The following WASHC4 variants were observed in gnomAD, a reference collection of about 807,000 sequenced individuals.
The protein encoded by WASHC4 is WASH complex subunit 4, also known as WASH complex subunit 7.
A neutral mutation model predicts 166.6 loss-of-function variants in WASHC4; 86 were observed. That is an observed-to-expected ratio of 0.52 (90% CI 0.43 to 0.62). The LOEUF (loss-of-function observed/expected upper bound fraction) is 0.62. Ranked by LOEUF, WASHC4 falls within the 20% of genes least tolerant of loss-of-function variation. The pLI is 0.00. For synonymous variants in WASHC4, 446 were observed against 451.6 expected, an observed-to-expected ratio of 0.99 and a Z score of 0.16; for missense variants, 1,262 against 1,382.4, an observed-to-expected ratio of 0.91 and a Z score of 1.38.
At chr12:105,120,619 C>T (rs755554867) in intron 8 of WASHC4, 22 bp downstream of exon 8, 1 of 1,518,904 alleles carries the variant, frequency 6.6e-7, no homozygotes, top group South Asian at 1.1e-5. Flanking sequence ...TTAGCTTGAC[C>T]TGTAAAACTG....
At chr12:105,159,152 C>T (rs949240471) in intron 28 of WASHC4, among the ~76,000 whole-genome samples, 1 of 152,126 alleles carries the variant, frequency 6.6e-6, no homozygotes, top group African/African-American at 2.4e-5. Flanking sequence ...AGGATCAGAC[C>T]TTTACCTTAT....
chr12:105,111,088 T>TG, intron 1 of WASHC4, 37 bp from the exon 2 acceptor site: 1 of 1,506,772 alleles, frequency 6.6e-7, no homozygotes, highest in Non-Finnish European at 9.2e-7. Flanking sequence ...ATTCATTACT[T>TG]GCACTTATCA....
intron 15 of WASHC4, 52 bp downstream of exon 15, chr12:105,138,063 C>G: frequency 6.4e-7 from 1 of 1,568,280 alleles, no homozygotes; most frequent in Non-Finnish European, 8.7e-7. Flanking sequence ...ATGACCCAGG[C>G]TTAAATTAGG....
intron 7 of WASHC4, among the ~76,000 whole-genome samples, chr12:105,118,927 A>C (rs1880457557): frequency 6.6e-6 from 1 of 152,220 alleles, no homozygotes; most frequent in African/African-American, 2.4e-5. Context: ...TCTACATTGA[A>C]GAAATTTTGT....
At position 105,168,403 on chromosome 12, in the gene WASHC4, A is replaced by G. The variant is rs1255391239; in HGVS notation, c.*1472A>G. ...ATAACTGTAGAAATGGCCCTAAAGC[A>G]TGCTGCATAATTAATAATTTATATT... On this transcript the variant is annotated 3_prime_UTR_variant, in exon 33 of 33. Coordinates refer to ENST00000332180, the MANE Select transcript of WASHC4 (RefSeq NM_015275.3). 1 of 152,358 alleles carries G rather than the reference A, an allele frequency of 6.6e-6. No individual in the cohort carries two copies. Among genetic ancestry groups the G allele is most frequent in the Non-Finnish European group, 1.5e-5 (1 of 67,910 alleles). The allele number at this position is 152,358 out of a possible 1,614,324, so 9.4% of individuals were successfully genotyped here.
At chr12:105,155,394 C>CA (rs1884061180) in intron 26 of WASHC4, among the ~76,000 whole-genome samples, 1 of 282 alleles carries the variant, frequency 3.5e-3, no homozygotes, top group Admixed American at 0.056. Context: ...AGCCCTGATT[C>CA]GTTCACATTT....
chr12:105,127,109 T>C lies in WASHC4; in HGVS notation c.1039-20T>C. The C allele has an allele frequency of 1.9e-6, 3 of 1,606,330 alleles. No individual in the cohort carries two copies. The highest frequency in any genetic ancestry group is 2.6e-6 in the Non-Finnish European group (3 of 1,173,200). ...AGCCTGCATTTAATGAATTTTCCCC[T>C]TTTCCCTTTTCTGTTTCAGGTACCA... On this transcript the variant is annotated intron_variant, in intron 12 of 32. Transcript: ENST00000332180.
chr12:105,141,195 C>T lies in WASHC4; in HGVS notation c.1736C>T (p.Pro579Leu). The stretch of plus-strand genomic sequence containing the variant: ...ACATTTAAAGATGAAGAACTCTTTC[C>T]ACTTCAAGTAGTCATGAAAAAACTG... ...MKTFKDEELF[P>L]LQVVMKKLDL... Residue 579 changes from proline to leucine, a missense_variant, in exon 18 of 33, where the codon CCA becomes CTA. Coordinates refer to ENST00000332180, the MANE Select transcript of WASHC4 (RefSeq NM_015275.3). 5 of 1,613,462 alleles carry T rather than the reference C, an allele frequency of 3.1e-6. No individual in the cohort carries two copies. The highest frequency in any genetic ancestry group is 4.2e-6 in the Non-Finnish European group (5 of 1,179,434).
rs1233563057 is a variant in WASHC4 at position 105,122,185 on chromosome 12, GA to G, written c.737del (p.Lys246SerfsTer4). 1 of 1,612,402 alleles carries G rather than the reference GA, an allele frequency of 6.2e-7. No homozygotes were observed. Among genetic ancestry groups the G allele is most frequent in the Non-Finnish European group, 8.5e-7 (1 of 1,178,958 alleles). ...TCAGGAAGAAAAATTAAAGCCATTT[GA>G]AAAGTTCTTGCTGAAGCTAGAAGGG... is the stretch of plus-strand genomic sequence containing the variant. ...GIQEEKLKPF[E>X]KFLLKLEGQL... On this transcript the variant is annotated frameshift_variant, in exon 10 of 33. Transcript: ENST00000332180. LOFTEE classifies it high-confidence loss of function.
rs748290057 is a variant in WASHC4, at chr12:105,144,398, G to C, written c.2122G>C (p.Ala708Pro). The change falls in exon 21 of 33, where the codon GCT (alanine) becomes CCT (proline). Residue 708 changes from alanine (A) to proline (P), a missense_variant. Physicochemically the swap from Ala to Pro is conservative, Grantham distance 27. Coordinates refer to ENST00000332180, the MANE Select transcript of WASHC4 (RefSeq NM_015275.3). ...TTTCAAAGTTGGCATGAAAGACCTGGCTCTTTTTTTCTCTCTGAATCCAAT... is the reference window on the plus strand; with the variant it reads ...TTTCAAAGTTGGCATGAAAGACCTGCCTCTTTTTTTCTCTCTGAATCCAAT... ...NPFKVGMKDL[A>P]LFFSLNPIRF... 2 of 1,613,250 alleles carry C rather than the reference G, an allele frequency of 1.2e-6. No homozygotes were observed. Among genetic ancestry groups the C allele is most frequent in the South Asian group, 1.1e-5 (1 of 91,044 alleles).
chr12:105,150,764 A>G (rs1403483577), intron 25 of WASHC4, among the ~76,000 whole-genome samples: 2 of 152,120 alleles, frequency 1.3e-5, no homozygotes, highest in Non-Finnish European at 2.9e-5. Flanking sequence ...GGTTTAATTG[A>G]CTCACAGTTC....
chr12:105,124,293 AT>A (rs1385304430), intron 10 of WASHC4, among the ~76,000 whole-genome samples: 12 of 148,842 alleles, frequency 8.1e-5, no homozygotes, highest in Admixed American at 6.7e-4. Context: ...CTAATTTTGT[AT>A]TTTTAGTAGA....
At chr12:105,119,791 T>A (rs1244533873) in intron 7 of WASHC4, among the ~76,000 whole-genome samples, 1 of 152,274 alleles carries the variant, frequency 6.6e-6, no homozygotes, top group Non-Finnish European at 1.5e-5. Flanking sequence ...TTATAAGCAC[T>A]ATTTAAAACT....
chr12:105,114,194 T>C (rs765843447), intron 2 of WASHC4, 22 bp from the exon 3 acceptor site: 2 of 1,600,858 alleles, frequency 1.2e-6, no homozygotes, highest in Non-Finnish European at 1.7e-6. Flanking sequence ...AAAAGAAATG[T>C]TCTTTTCCTT....
At chr12:105,149,159 A>C in intron 24 of WASHC4, 2 of 985,368 alleles carry the variant, frequency 2.0e-6, no homozygotes, top group Non-Finnish European at 2.4e-6. Flanking sequence ...TTATGGATAG[A>C]TAATTGAATA....
At chr12:105,117,739 A>C (rs770679981) in intron 6 of WASHC4, among the ~76,000 whole-genome samples, 22 of 152,224 alleles carry the variant, frequency 1.4e-4, no homozygotes, top group Non-Finnish European at 7.3e-5. Flanking sequence ...CTGTTCTCAT[A>C]GAGCTTAAAA....
At chr12:105,114,592 C>T (rs75437980) in intron 4 of WASHC4, among the ~76,000 whole-genome samples, 165 bp downstream of exon 4, 8,466 of 151,930 alleles carry the variant, frequency 0.056, 784 homozygotes, top group African/African-American at 0.19. Flanking sequence ...TTAGTATGTA[C>T]AAAACACCAG....
intron 18 of WASHC4, among the ~76,000 whole-genome samples, 194 bp downstream of exon 18, chr12:105,141,440 A>G (rs1882841535): frequency 6.6e-6 from 1 of 152,240 alleles, no homozygotes; most frequent in Admixed American, 6.5e-5. Flanking sequence ...TACAGGAAGC[A>G]TGTAGCCCCT....
chr12:105,161,933 GA>G (rs930450989), intron 29 of WASHC4, among the ~76,000 whole-genome samples: 6 of 152,112 alleles, frequency 3.9e-5, no homozygotes, highest in Middle Eastern at 3.4e-3. Context: ...AAGGCAGGGC[GA>G]AAAAAATAAA....
Sources: allele counts gnomAD v4.1 joint callset (sites outside exome capture counted in the v4.1 genomes callset), GRCh38; gene constraint gnomAD v4.1.1; transcripts MANE v1.5; gene names NCBI Gene and HGNC (gene_info 2026-07-23, HGNC 2026-07-21).